Variants in CPEB3 observed in about 807,000 individuals in gnomAD.
The protein encoded by CPEB3 is cytoplasmic polyadenylation element binding protein 3.
A neutral mutation model predicts 67.2 loss-of-function variants in CPEB3; 20 were observed. That is an observed-to-expected ratio of 0.30 (90% CI 0.21 to 0.43). The LOEUF (loss-of-function observed/expected upper bound fraction) is 0.43, where lower values mean the gene tolerates loss of function less well. CPEB3 is among the 20% of genes least tolerant of loss of function. The pLI is 1.00. For missense variants in CPEB3, 746 were observed against 968.6 expected, an observed-to-expected ratio of 0.77 and a Z score of 3.05; for synonymous variants, 376 against 393.1, an observed-to-expected ratio of 0.96 and a Z score of 0.51.
At chr10:92,097,653 C>G (rs900486583) in intron 7 of CPEB3, among the ~76,000 whole-genome samples, 4 of 152,128 alleles carry the variant, frequency 2.6e-5, no homozygotes, top group African/African-American at 9.7e-5. Context: ...TTCAAGAAAT[C>G]TAAAAGAACT....
intron 1 of CPEB3, among the ~76,000 whole-genome samples, chr10:92,271,065 C>T (rs1157673255): frequency 1.3e-5 from 2 of 151,950 alleles, no homozygotes; most frequent in Non-Finnish European, 2.9e-5. Flanking sequence ...TAGTCCCAGC[C>T]CCAGTCACTC....
chr10:92,079,430 G>A (rs1308691552), intron 9 of CPEB3, among the ~76,000 whole-genome samples: 1 of 152,180 alleles, frequency 6.6e-6, no homozygotes, highest in African/African-American at 2.4e-5. Flanking sequence ...ACTTAAAAAT[G>A]CATGGAGTTC....
chr10:92,157,539 C>A (rs1423972325), intron 4 of CPEB3, among the ~76,000 whole-genome samples: 1 of 152,034 alleles, frequency 6.6e-6, no homozygotes, highest in Non-Finnish European at 1.5e-5. Context: ...CAAAAGAACA[C>A]AAAAATTACG....
intron 1 of CPEB3, among the ~76,000 whole-genome samples, chr10:92,240,661 A>G (rs1158541634): frequency 6.6e-6 from 1 of 152,126 alleles, no homozygotes; most frequent in African/African-American, 2.4e-5. Context: ...CAATTTCGCC[A>G]CGTCTCTTTT....
intron 1 of CPEB3, among the ~76,000 whole-genome samples, chr10:92,253,408 C>A (rs1227985162): frequency 7.4e-6 from 1 of 135,642 alleles, no homozygotes; most frequent in Non-Finnish European, 1.5e-5. Context: ...TGCAGTGAGC[C>A]GAGATCGCAC....
intron 2 of CPEB3, among the ~76,000 whole-genome samples, chr10:92,203,391 T>C (rs1849615120): frequency 6.8e-6 from 1 of 147,560 alleles, no homozygotes; most frequent in Non-Finnish European, 1.5e-5. Context: ...TGTATGTGTA[T>C]ATATATACGT....
At chr10:92,192,182 T>C (rs555595311) in intron 3 of CPEB3, among the ~76,000 whole-genome samples, 1 of 152,302 alleles carries the variant, frequency 6.6e-6, no homozygotes, top group South Asian at 2.1e-4. Context: ...GGATTCCAAA[T>C]GCACAAAGCC....
intron 2 of CPEB3, among the ~76,000 whole-genome samples, chr10:92,230,826 C>T (rs1374981120): frequency 6.6e-6 from 1 of 152,142 alleles, no homozygotes; most frequent in South Asian, 2.1e-4. Context: ...AGGAAAGCCT[C>T]CTATAAGTTA....
At chr10:92,180,590 C>T (rs1848418108) in intron 4 of CPEB3, among the ~76,000 whole-genome samples, 1 of 152,168 alleles carries the variant, frequency 6.6e-6, no homozygotes, top group Non-Finnish European at 1.5e-5. Flanking sequence ...GGCTATATTC[C>T]AATAAAACTT....
intron 4 of CPEB3, among the ~76,000 whole-genome samples, chr10:92,172,962 T>C (rs1848072648): frequency 6.6e-6 from 1 of 152,230 alleles, no homozygotes; most frequent in Non-Finnish European, 1.5e-5. Context: ...TAAGGTGGAC[T>C]GGATATTCTC....
chr10:92,183,636 C>T (rs1253500209), intron 3 of CPEB3, among the ~76,000 whole-genome samples: 1 of 152,182 alleles, frequency 6.6e-6, no homozygotes, highest in African/African-American at 2.4e-5. Flanking sequence ...TAGCCAGTCA[C>T]TGGAAAGTCT....
Position 92,049,793 on chromosome 10 carries a change from T to C in CPEB3, c.*2419A>G, listed in dbSNP as rs2134232763. 6 of 152,736 alleles carry C rather than the reference T, an allele frequency of 3.9e-5. 1 individual carries two copies. The highest frequency in any genetic ancestry group is 3.9e-4 in the Admixed American group (6 of 15,292). 9.5% of individuals were successfully genotyped at this position (152,736 alleles called of 1,614,324 possible). On this transcript the variant is annotated 3_prime_UTR_variant, in exon 10 of 10. Coordinates refer to ENST00000265997, the MANE Select transcript of CPEB3 (RefSeq NM_014912.5). Reference sequence around the variant, plus strand: ...AAGAGGGGTGCTTCTTCAAAAAGTTTTGCTTCTTTCACATAATTAGGTAGA... The same window carrying C: ...AAGAGGGGTGCTTCTTCAAAAAGTTCTGCTTCTTTCACATAATTAGGTAGA...
intron 2 of CPEB3, 119 bp from the exon 3 acceptor site, chr10:92,192,755 G>C (rs1849043493): frequency 1.6e-6 from 1 of 618,022 alleles, no homozygotes; most frequent in Non-Finnish European, 2.6e-6. Context: ...AGCCCCAACA[G>C]CATACAGTCC....
At chr10:92,154,267 T>G (rs1046199762) in intron 4 of CPEB3, among the ~76,000 whole-genome samples, 1 of 152,230 alleles carries the variant, frequency 6.6e-6, no homozygotes, top group African/African-American at 2.4e-5. Flanking sequence ...TTTGGTGTGA[T>G]TCTTATTCCA....
At chr10:92,193,211 CA>C (rs932042357) in intron 2 of CPEB3, among the ~76,000 whole-genome samples, 4 of 144,540 alleles carry the variant, frequency 2.8e-5, no homozygotes, top group Admixed American at 1.4e-4. Flanking sequence ...GACTCCATCT[CA>C]AAAAAAAAAG....
intron 2 of CPEB3, among the ~76,000 whole-genome samples, chr10:92,208,742 C>T (rs146394466): frequency 1.3e-5 from 2 of 152,074 alleles, no homozygotes; most frequent in African/African-American, 4.8e-5. Context: ...CACAGGTGCA[C>T]ACCATCATGC....
At chr10:92,258,823 A>AT (rs1466744683) in intron 1 of CPEB3, among the ~76,000 whole-genome samples, 1 of 150,742 alleles carries the variant, frequency 6.6e-6, no homozygotes. Context: ...ACGCTGAGTA[A>AT]TTTTTTTGTA....
At chr10:92,250,092 A>AT (rs925579359) in intron 1 of CPEB3, among the ~76,000 whole-genome samples, 24 of 150,880 alleles carry the variant, frequency 1.6e-4, no homozygotes, top group African/African-American at 5.1e-4. Context: ...ACAAGTGTCA[A>AT]TTTTTTTTCT....
rs1003450458 is a variant in CPEB3 at position 92,093,934 on chromosome 10, A to C, written c.1573-1990T>G. Among the ~76,000 whole-genome samples, 29 of 152,258 alleles carry C rather than the reference A, an allele frequency of 1.9e-4. 1 individual carries two copies. The highest frequency in any genetic ancestry group is 6.3e-4 in the African/African-American group (26 of 41,558). On this transcript the variant is annotated intron_variant, in intron 7 of 9. Transcript: ENST00000265997. ...CAGTGGCATGATCTCGGCTCACTGC[A>C]ACCTCCGTCTCCTGGGTTCAAGTGA... is the stretch of plus-strand genomic sequence containing the variant.
Sources: gnomAD v4.1 joint callset for allele counts (sites outside exome capture counted in the v4.1 genomes callset) on GRCh38, gnomAD v4.1.1 for gene constraint, MANE v1.5 for transcripts, NCBI Gene and HGNC (gene_info 2026-07-23, HGNC 2026-07-21) for gene names.